Variants in CEBPZ observed in about 807,000 individuals in gnomAD.
The protein encoded by CEBPZ is CCAAT/enhancer-binding protein zeta.
CEBPZ carries 78 observed loss-of-function variants against 104.5 expected under a neutral mutation model. The ratio of observed to expected loss-of-function variants is 0.75; its 90% CI spans 0.62 to 0.90. CEBPZ has a LOEUF of 0.90. Ranked by LOEUF, CEBPZ falls within the 40% of genes least tolerant of loss-of-function variation. The pLI, the probability that CEBPZ is intolerant of heterozygous loss-of-function variation, is 0.00. For missense variants in CEBPZ, 1,439 were observed against 1,233.5 expected (o/e 1.17, Z -2.50); for synonymous variants, 470 against 427.0 (o/e 1.10, Z -1.24).
intron 2 of CEBPZ, among the ~76,000 whole-genome samples, chr2:37,225,474 T>C (rs952504459): frequency 6.8e-6 from 1 of 146,872 alleles, no homozygotes; most frequent in Non-Finnish European, 1.5e-5. Context: ...CTCTGAAACA[T>C]GTGCTGTGTC....
Position 37,222,449 on chromosome 2 carries a change from C to T in CEBPZ, c.1996G>A (p.Val666Ile). ...TTGGTTTCTACATCAGTTTCAGGAA[C>T]TGTTTCCTCTGTCTCAAGTTTTTTC... ...IVKKLETEET[V>I]PETDVETKKP... The change falls in exon 4 of 16, where the codon GTT (valine) becomes ATT (isoleucine). Residue 666 changes from valine to isoleucine, a missense_variant. Coordinates refer to ENST00000234170, the MANE Select transcript of CEBPZ (RefSeq NM_005760.3). The T allele has an allele frequency of 6.2e-7, 1 of 1,610,404 alleles. No homozygotes were observed. Among genetic ancestry groups the T allele is most frequent in the Non-Finnish European group, 8.5e-7 (1 of 1,178,982 alleles).
chr2:37,206,862 A>G (rs1677555984), intron 13 of CEBPZ, among the ~76,000 whole-genome samples: 1 of 152,224 alleles, frequency 6.6e-6, no homozygotes, highest in Non-Finnish European at 1.5e-5. Flanking sequence ...TCCTCTTAAA[A>G]GATACATTTG....
chr2:37,213,735 A>T, intron 10 of CEBPZ, 129 bp downstream of exon 10: 1 of 630,168 alleles, frequency 1.6e-6, no homozygotes, highest in Non-Finnish European at 2.7e-6. Context: ...TTAATCTTCC[A>T]CTGTGATTTG....
intron 11 of CEBPZ, 104 bp downstream of exon 11, chr2:37,212,231 A>T: frequency 9.0e-7 from 1 of 1,110,626 alleles, no homozygotes; most frequent in Non-Finnish European, 1.3e-6. Flanking sequence ...AACTTACTTG[A>T]CTACATTTCC....
intron 2 of CEBPZ, among the ~76,000 whole-genome samples, 181 bp from the exon 3 acceptor site, chr2:37,223,582 T>C (rs926009350): frequency 6.6e-6 from 1 of 152,218 alleles, no homozygotes; most frequent in African/African-American, 2.4e-5. Context: ...AGGATGATGA[T>C]GGCACCAGGA....
At chr2:37,202,242 T>C (rs562489487) in intron 15 of CEBPZ, 28 of 174,530 alleles carry the variant, frequency 1.6e-4, no homozygotes, top group African/African-American at 6.0e-4. Flanking sequence ...CTGCAAGGTT[T>C]TTTTTTTTTT....
rs866594498 is a variant in CEBPZ, at chr2:37,201,775, G to A, written c.3154C>T (p.Gln1052Ter). The A allele has an allele frequency of 1.4e-6, 2 of 1,420,574 alleles. No individual in the cohort carries two copies. The highest frequency in any genetic ancestry group is 2.0e-6 in the Non-Finnish European group (2 of 1,005,792). The allele number at this position is 1,420,574 out of a possible 1,614,324, so 88.0% of individuals were successfully genotyped here. Residue 1052 changes from glutamine (Q) to a stop codon, truncating the protein, a stop_gained, in exon 16 of 16, where the codon CAA becomes TAA. Coordinates refer to ENST00000234170, the MANE Select transcript of CEBPZ (RefSeq NM_005760.3). LOFTEE classifies it high-confidence loss of function. The part of the protein sequence containing the change: ...RIKTTQKTKK[Q>*]RK ...TTTACATTAATAACTCATTTCCTTT[G>A]TTTTTTAGTTTTTTGAGTGGTTTTA...
chr2:37,226,693 C>A (rs572924064), intron 2 of CEBPZ, among the ~76,000 whole-genome samples: 2 of 152,202 alleles, frequency 1.3e-5, no homozygotes, highest in South Asian at 4.2e-4. Flanking sequence ...TGGCTTAAGT[C>A]TAAGATACGA....
chr2:37,209,185 G>C (rs1411653975), intron 13 of CEBPZ: 1 of 152,020 alleles, frequency 6.6e-6, no homozygotes, highest in East Asian at 1.9e-4. Flanking sequence ...TTCATGGATG[G>C]GTAGAATCGA....
At chr2:37,223,590 G>A (rs535367943) in intron 2 of CEBPZ, among the ~76,000 whole-genome samples, 189 bp from the exon 3 acceptor site, 1 of 152,304 alleles carries the variant, frequency 6.6e-6, no homozygotes, top group African/African-American at 2.4e-5. Context: ...GATGGCACCA[G>A]GAAAAACCAA....
At position 37,228,000 on chromosome 2, in the gene CEBPZ, A is replaced by G. The variant is rs774399870; in HGVS notation, c.1193T>C (p.Ile398Thr). 3.7e-6 allele frequency: 6 copies of G among 1,614,016 alleles called. No individual in the cohort carries two copies. The highest frequency in any genetic ancestry group is 4.5e-5 in the East Asian group (2 of 44,892). ...VNKLGDPQNR[I>T]ATKASHLLET... Reference sequence around the variant, plus strand: ...TAACAGATGGGATGCTTTTGTGGCAATTCTGTTCTGAGGATCTCCCAGTTT... The same window carrying G: ...TAACAGATGGGATGCTTTTGTGGCAGTTCTGTTCTGAGGATCTCCCAGTTT... Residue 398 changes from isoleucine (I) to threonine (T), a missense_variant, in exon 2 of 16, where the codon ATT becomes ACT. Physicochemically the swap from Ile to Thr is moderately conservative, Grantham distance 89 (BLOSUM62 -1). Transcript: ENST00000234170.
chr2:37,228,931 T>A lies in CEBPZ; in HGVS notation c.262A>T (p.Ile88Phe). 6.2e-7 allele frequency: 1 copy of A among 1,611,748 alleles called. No homozygotes were observed. Among genetic ancestry groups the A allele is most frequent in the Non-Finnish European group, 8.5e-7 (1 of 1,179,218 alleles). The change falls in exon 2 of 16, where the codon ATT (isoleucine) becomes TTT (phenylalanine). Residue 88 changes from isoleucine to phenylalanine, a missense_variant. Transcript: ENST00000234170. ...TACTTCGCCAAATTAAGATTTTGAA[T>A]AAATGCTTCCAATTCACCTTGCTGA... ...DLQQGELEAFIQNLNLAKYTK... is the reference protein window; with the variant it reads ...DLQQGELEAFFQNLNLAKYTK...
rs1249755046 is a variant in CEBPZ at position 37,201,626 on chromosome 2, CTATTTT to C, written c.*132_*137del. The C allele has an allele frequency of 2.9e-6, 2 of 698,550 alleles. No individual in the cohort carries two copies. The highest frequency in any genetic ancestry group is 3.6e-5 in the African/African-American group (2 of 55,174). 43.3% of individuals were successfully genotyped at this position (698,550 alleles called of 1,614,324 possible). A position where few individuals can be genotyped will look rare whatever the true frequency, so the allele number is the denominator to read the frequency against. ...TTCCACATGACTTTATAAATGAGAG[CTATTTT>C]TATTTATAGTTTATTACAAATCCAC... On this transcript the variant is annotated 3_prime_UTR_variant, in exon 16 of 16. Coordinates refer to ENST00000234170, the MANE Select transcript of CEBPZ (RefSeq NM_005760.3).
At chr2:37,220,338 T>C (rs754096713) in intron 5 of CEBPZ, 47 bp downstream of exon 5, 11 of 613,956 alleles carry the variant, frequency 1.8e-5, no homozygotes, top group African/African-American at 1.2e-4. Context: ...AATATATATA[T>C]ATATATATAG....
chr2:37,212,846 A>C (rs568435628), intron 10 of CEBPZ, among the ~76,000 whole-genome samples: 2,712 of 149,632 alleles, frequency 0.018, 51 homozygotes, highest in African/African-American at 0.048. Context: ...AAAAAAAAAA[A>C]AAAAACAAAA....
chr2:37,214,660 TAACA>T (rs1324865735), intron 9 of CEBPZ, among the ~76,000 whole-genome samples: 2 of 152,196 alleles, frequency 1.3e-5, no homozygotes, highest in Non-Finnish European at 2.9e-5. Context: ...TAAATTTTCT[TAACA>T]AACACAGACA....
Position 37,202,991 on chromosome 2 carries a change from T to C in CEBPZ, c.2902A>G (p.Arg968Gly), listed in dbSNP as rs1400692139. The change falls in exon 14 of 16, where the codon AGA (arginine) becomes GGA (glycine). Residue 968 changes from arginine to glycine, a missense_variant. Physicochemically the swap from Arg to Gly is moderately radical, Grantham distance 125. Coordinates refer to ENST00000234170, the MANE Select transcript of CEBPZ (RefSeq NM_005760.3). ...GSFQGPRKKK[R>G]NLNDSSLFVS... is the part of the protein sequence containing the mutation. Reference sequence around the variant, plus strand: ...AATAGGCTGGAATCATTTAAGTTTCTTTTCTTTTTTCTTGGCCCTAAAAAA... The same window carrying C: ...AATAGGCTGGAATCATTTAAGTTTCCTTTCTTTTTTCTTGGCCCTAAAAAA... The C allele has an allele frequency of 6.4e-7, 1 of 1,550,854 alleles. No individual in the cohort carries two copies. The highest frequency in any genetic ancestry group is 2.3e-5 in the East Asian group (1 of 43,092).
In CEBPZ at chr2:37,228,187, C is replaced by CA; in HGVS notation, c.1005dup (p.Glu336Ter). 6.2e-7 allele frequency: 1 copy of CA among 1,614,158 alleles called. No homozygotes were observed. Among genetic ancestry groups the CA allele is most frequent in the Middle Eastern group, 1.6e-4 (1 of 6,062 alleles). On this transcript the variant is annotated frameshift_variant, in exon 2 of 16. Coordinates refer to ENST00000234170, the MANE Select transcript of CEBPZ (RefSeq NM_005760.3). LOFTEE classifies it high-confidence loss of function. ...GCCACTAAGTGTTTCAGCTGGTGTT[C>CA]AAAATACCATAATATCAGTCTTCTA... is the stretch of plus-strand genomic sequence containing the variant.
chr2:37,217,270 G>A lies in CEBPZ; in HGVS notation c.2155-233C>T, dbSNP rs188744284. On this transcript the variant is annotated intron_variant, in intron 5 of 15. Coordinates refer to ENST00000234170, the MANE Select transcript of CEBPZ (RefSeq NM_005760.3). Reference sequence around the variant, plus strand: ...AAATAGTCAGGGTGTGATGGTGCGCGCGTGCCTGTACTCCCAGCTACTCAG... The same window carrying A: ...AAATAGTCAGGGTGTGATGGTGCGCACGTGCCTGTACTCCCAGCTACTCAG... Among the ~76,000 whole-genome samples, 139 of 152,042 alleles carry A rather than the reference G, an allele frequency of 9.1e-4. 2 individuals are homozygous for A. In the Middle Eastern group the frequency reaches 0.01, roughly 11 times the overall value.
Sources: gnomAD v4.1 joint callset for allele counts (sites outside exome capture counted in the v4.1 genomes callset) on GRCh38, gnomAD v4.1.1 for gene constraint, MANE v1.5 for transcripts, NCBI Gene and HGNC (gene_info 2026-07-23, HGNC 2026-07-21) for gene names.